The following YBEY variants were observed in gnomAD, a reference collection of about 807,000 sequenced individuals.
YBEY encodes endoribonuclease YbeY.
Under a neutral mutation model 13.5 loss-of-function variants are expected in YBEY, and 15 were observed. That is an observed-to-expected ratio of 1.11 (90% confidence interval 0.75 to 1.72). The LOEUF (loss-of-function observed/expected upper bound fraction) is 1.72. Among genes scored for constraint, YBEY ranks in the 40% most tolerant of loss-of-function variants. YBEY has a pLI of 0.00. For missense variants in YBEY, 244 were observed against 208.4 expected, an observed-to-expected ratio of 1.17 and a Z score of -1.05; for synonymous variants, 101 against 83.1, an observed-to-expected ratio of 1.21 and a Z score of -1.17.
rs746705021 is a variant in YBEY, at chr21:46,297,511, G to A, written c.409-28G>A. 8 of 1,357,066 alleles carry A rather than the reference G, an allele frequency of 5.9e-6. No individual in the cohort carries two copies. The African/African-American group carries it at 9.1e-5, about 15-fold the overall frequency. 84.1% of individuals were successfully genotyped at this position (1,357,066 alleles called of 1,614,324 possible). On this transcript the variant is annotated intron_variant, in intron 4 of 4. Transcript: ENST00000397701. ...GTGGGGCGCGGACACCTTCCCTGGG[G>A]AGGGCCAGCGCGCTTCCTTCCTTCC... is the stretch of plus-strand genomic sequence containing the variant.
At chr21:46,303,630 G>A in the YBEY span, among the ~76,000 whole-genome samples, 1 of 136,884 alleles carries the variant, frequency 7.3e-6, no homozygotes, top group Non-Finnish European at 1.5e-5. Flanking sequence ...GACAGGAGAA[G>A]TCCTTGAGAC....
At chr21:46,294,861 C>A (rs1383926465) in intron 3 of YBEY, among the ~76,000 whole-genome samples, 1 of 152,232 alleles carries the variant, frequency 6.6e-6, no homozygotes, top group Non-Finnish European at 1.5e-5. Flanking sequence ...CTGAATCGCC[C>A]TTGTGGATCC....
the YBEY span, among the ~76,000 whole-genome samples, chr21:46,306,634 C>T: frequency 6.6e-6 from 1 of 152,204 alleles, no homozygotes; most frequent in Non-Finnish European, 1.5e-5. Context: ...CTTGCCCAGA[C>T]TGCAGTACAG....
chr21:46,304,806 C>T, the YBEY span, among the ~76,000 whole-genome samples: 1 of 152,122 alleles, frequency 6.6e-6, no homozygotes, highest in East Asian at 1.9e-4. Context: ...TGAGCGGGGA[C>T]GGAAGCAACC....
downstream of YBEY, chr21:46,302,695 G>A (rs904281970): frequency 3.7e-6 from 3 of 818,206 alleles, no homozygotes; most frequent in Admixed American, 2.2e-5. Flanking sequence ...GGTCCCCGGG[G>A]CAGGCTCTGA....
rs2081984778 is a variant in YBEY at position 46,297,300 on chromosome 21, T to C, written c.409-239T>C. ...CACCTCCCATGCCCCCCTTTCTTCC[T>C]CCCACTCCCCTCCCGAGGCCCCGCT... On this transcript the variant is annotated intron_variant, in intron 4 of 4. Transcript: ENST00000397701. Among the ~76,000 whole-genome samples, 6 of 87,384 alleles carry C rather than the reference T, an allele frequency of 6.9e-5. No homozygotes were observed. The South Asian group carries it at 1.7e-3, about 24-fold the overall frequency. 57.3% of individuals were successfully genotyped at this position (87,384 alleles called of 152,430 possible). A position where few individuals can be genotyped will look rare whatever the true frequency, so the allele number is the denominator to read the frequency against.
chr21:46,289,441 G>GTTTTTTTTTTTTTTTTTTTTTT, intron 2 of YBEY, among the ~76,000 whole-genome samples: 1 of 136,520 alleles, frequency 7.3e-6, no homozygotes, highest in Non-Finnish European at 1.6e-5. Context: ...GAAGGCAAGG[G>GTTTTTTTTTTTTTTTTTTTTTT]TTTTGTTTTT....
chr21:46,312,357 C>T, the YBEY span, among the ~76,000 whole-genome samples: 34,098 of 151,944 alleles, frequency 0.22, 4,277 homozygotes, highest in Middle Eastern at 0.32. Context: ...TTGCTCTTGT[C>T]GCCCAGGCTG....
chr21:46,297,065 G>C (rs1302304194), intron 4 of YBEY, among the ~76,000 whole-genome samples: 1 of 152,172 alleles, frequency 6.6e-6, no homozygotes, highest in African/African-American at 2.4e-5. Flanking sequence ...TTGGGAGGCC[G>C]AGGAGGGTGG....
At chr21:46,287,446 T>C (rs563416137) in intron 2 of YBEY, among the ~76,000 whole-genome samples, 1 of 152,194 alleles carries the variant, frequency 6.6e-6, no homozygotes, top group Admixed American at 6.5e-5. Flanking sequence ...GTGATCTGCC[T>C]GCCTCGGGCT....
the YBEY span, among the ~76,000 whole-genome samples, chr21:46,312,041 A>G: frequency 7.5e-6 from 1 of 133,982 alleles, no homozygotes. Context: ...CCACCTACCC[A>G]ACCAACCAAC....
chr21:46,295,392 C>G (rs1446514163), intron 3 of YBEY, among the ~76,000 whole-genome samples: 1 of 152,014 alleles, frequency 6.6e-6, no homozygotes, highest in African/African-American at 2.4e-5. Context: ...TTCCCTCCAC[C>G]CAAACCCCAG....
downstream of YBEY, chr21:46,301,986 CTG>C (rs2082123924): frequency 6.6e-7 from 1 of 1,517,372 alleles, no homozygotes; most frequent in Non-Finnish European, 8.8e-7. Flanking sequence ...GCCAGGGTCT[CTG>C]TGACTCACAC....
At chr21:46,312,981 C>G in the YBEY span, 1 of 985,320 alleles carries the variant, frequency 1.0e-6, no homozygotes, top group Non-Finnish European at 1.2e-6. Flanking sequence ...GCATGAAAGG[C>G]CTTCTGTTTT....
At chr21:46,296,312 C>T (rs2081950442) in intron 4 of YBEY, 82 bp downstream of exon 4, 2 of 1,534,652 alleles carry the variant, frequency 1.3e-6, no homozygotes, top group African/African-American at 1.4e-5. Context: ...CCCCACCCTC[C>T]ATCTTGACCG....
At chr21:46,305,355 G>C in the YBEY span, among the ~76,000 whole-genome samples, 1 of 143,304 alleles carries the variant, frequency 7.0e-6, no homozygotes, top group Non-Finnish European at 1.5e-5. Context: ...TTTGAGACAG[G>C]GTCTCACTCT....
downstream of YBEY, chr21:46,300,213 C>A (rs1030912552): frequency 6.6e-6 from 1 of 152,568 alleles, no homozygotes; most frequent in East Asian, 1.9e-4. Context: ...AGGTGGATCA[C>A]GAGGTCAGGA....
downstream of YBEY, chr21:46,301,947 G>C: frequency 6.9e-7 from 1 of 1,458,936 alleles, no homozygotes; most frequent in Admixed American, 2.6e-5. Flanking sequence ...CCACAGCCCT[G>C]AGGAAGCCTG....
downstream of YBEY, chr21:46,302,341 G>T (rs552143988): frequency 9.0e-7 from 1 of 1,106,394 alleles, no homozygotes; most frequent in Non-Finnish European, 1.3e-6. Context: ...GCTGGGACTC[G>T]ATGGGGATGG....
Sources: gnomAD v4.1 joint callset for allele counts (sites outside exome capture counted in the v4.1 genomes callset) on GRCh38, gnomAD v4.1.1 for gene constraint, MANE v1.5 for transcripts, NCBI Gene and HGNC (gene_info 2026-07-23, HGNC 2026-07-21) for gene names.